MACROD2: variants seen among roughly 807,000 people sequenced by gnomAD.
MACROD2 encodes the protein ADP-ribose glycohydrolase MACROD2.
A neutral mutation model predicts 70.4 loss-of-function variants in MACROD2; 36 were observed. That is an observed-to-expected ratio of 0.51 (90% CI 0.39 to 0.68). The LOEUF (loss-of-function observed/expected upper bound fraction) is 0.68. MACROD2 is among the 30% of genes least tolerant of loss of function. MACROD2 has a pLI of 0.00. For missense variants in MACROD2, 496 were observed against 538.4 expected, an observed-to-expected ratio of 0.92 and a Z score of 0.78; for synonymous variants, 172 against 178.8, an observed-to-expected ratio of 0.96 and a Z score of 0.30.
chr20:15,317,486 T>TA (rs1555804027), intron 6 of MACROD2, among the ~76,000 whole-genome samples: 1 of 115,966 alleles, frequency 8.6e-6, no homozygotes, highest in South Asian at 3.0e-4. Flanking sequence ...CCATCTAATC[T>TA]ATCTATCTAT....
chr20:15,912,671 T>C (rs1295154862), intron 10 of MACROD2, among the ~76,000 whole-genome samples: 1 of 152,208 alleles, frequency 6.6e-6, no homozygotes, highest in African/African-American at 2.4e-5. Flanking sequence ...AAACATCACA[T>C]TTCTCATTTA....
chr20:15,696,894 G>A lies in MACROD2; in HGVS notation c.646-165851G>A, dbSNP rs76512738. On this transcript the variant is annotated intron_variant, in intron 8 of 17. Transcript: ENST00000684519. ...TTTTTTTATTTCAGTGGTGTAGGTT[G>A]TAATATCTCTTGTTTCATTTGTTGG... is the stretch of plus-strand genomic sequence containing the variant. Among the ~76,000 whole-genome samples the A allele has an allele frequency of 8.6e-5, 13 of 151,092 alleles. No homozygotes were observed. The South Asian group carries it at 2.5e-3, about 29-fold the overall frequency.
In MACROD2 at chr20:15,677,360, C is replaced by T. The variant is rs118021092; in HGVS notation, c.645+177513C>T. Among the ~76,000 whole-genome samples, 1,431 of 152,066 alleles carry T rather than the reference C, an allele frequency of 9.4e-3. 11 individuals carry two copies. The highest frequency in any genetic ancestry group is 0.017 in the Middle Eastern group (5 of 294). ...CAGAAATGAATCAACGATAGAAACTCGGGCATGCGGTGGTGGGGGGAAGTG... is the reference window on the plus strand; with the variant it reads ...CAGAAATGAATCAACGATAGAAACTTGGGCATGCGGTGGTGGGGGGAAGTG... On this transcript the variant is annotated intron_variant, in intron 8 of 17. Coordinates refer to ENST00000684519, the MANE Select transcript of MACROD2 (RefSeq NM_001351661.2).
chr20:15,872,010 T>C (rs2064592122), intron 9 of MACROD2, among the ~76,000 whole-genome samples: 1 of 152,176 alleles, frequency 6.6e-6, no homozygotes, highest in South Asian at 2.1e-4. Context: ...AGTCAGTAAA[T>C]TGACCAAAGT....
At position 15,425,380 on chromosome 20, in the gene MACROD2, G is replaced by A. The variant is rs530778736; in HGVS notation, c.541-6025G>A. Among the ~76,000 whole-genome samples, 11 of 152,300 alleles carry A rather than the reference G, an allele frequency of 7.2e-5. No individual in the cohort carries two copies. In the South Asian group the frequency reaches 1.4e-3, roughly 20 times the overall value. Reference sequence around the variant, plus strand: ...GAAAGCATGTGTTATATTTTAACTGGTGGAGCTTTCTCTTCTTAGTGGTCC... The same window carrying A: ...GAAAGCATGTGTTATATTTTAACTGATGGAGCTTTCTCTTCTTAGTGGTCC... On this transcript the variant is annotated intron_variant, in intron 6 of 17. Coordinates refer to ENST00000684519, the MANE Select transcript of MACROD2 (RefSeq NM_001351661.2).
chr20:14,172,985 C>A (rs896182147), intron 3 of MACROD2, among the ~76,000 whole-genome samples: 1 of 152,172 alleles, frequency 6.6e-6, no homozygotes, highest in Non-Finnish European at 1.5e-5. Flanking sequence ...TCACTTCTAG[C>A]TTGTAGGGTT....
intron 12 of MACROD2, among the ~76,000 whole-genome samples, chr20:15,953,956 A>G (rs558354096): frequency 3.7e-4 from 57 of 152,276 alleles, no homozygotes; most frequent in African/African-American, 1.3e-3. Flanking sequence ...CTTGTGGCAG[A>G]AAACTAATTA....
At chr20:15,427,067 C>T (rs1422887207) in intron 6 of MACROD2, among the ~76,000 whole-genome samples, 1 of 152,104 alleles carries the variant, frequency 6.6e-6, no homozygotes, top group Non-Finnish European at 1.5e-5. Context: ...ATGGAGTAGG[C>T]TTAGTTTAGA....
chr20:14,190,869 G>A (rs1209152662), intron 3 of MACROD2, among the ~76,000 whole-genome samples: 1 of 150,820 alleles, frequency 6.6e-6, no homozygotes, highest in African/African-American at 2.4e-5. Context: ...CACTACGCCG[G>A]GCTAATATTT....
At chr20:14,728,205 G>T (rs2071552484) in intron 5 of MACROD2, among the ~76,000 whole-genome samples, 1 of 152,004 alleles carries the variant, frequency 6.6e-6, no homozygotes, top group African/African-American at 2.4e-5. Flanking sequence ...GTTACTTATG[G>T]CACATCCCTG....
At position 14,313,512 on chromosome 20, in the gene MACROD2, G is replaced by T. The variant is rs531866639; in HGVS notation, c.272-179967G>T. On this transcript the variant is annotated intron_variant, in intron 3 of 17. Transcript: ENST00000684519. ...GCATCTATGGTTACCTCTTTGTCTG[G>T]GACTTCTAAGGAAAAGCGAAGAATT... Among the ~76,000 whole-genome samples, 9 of 151,452 alleles carry T rather than the reference G, an allele frequency of 5.9e-5. No homozygotes were observed. The East Asian group carries it at 1.7e-3, about 29-fold the overall frequency.
At chr20:15,085,495 G>A (rs2075740167) in intron 5 of MACROD2, among the ~76,000 whole-genome samples, 1 of 152,098 alleles carries the variant, frequency 6.6e-6, no homozygotes, top group African/African-American at 2.4e-5. Flanking sequence ...TGATATGTAT[G>A]ATAAGGGTCT....
intron 6 of MACROD2, among the ~76,000 whole-genome samples, chr20:15,350,353 T>G (rs1260719331): frequency 2.0e-5 from 3 of 152,216 alleles, no homozygotes; most frequent in Non-Finnish European, 4.4e-5. Context: ...TGTTTTTATT[T>G]GACTTTCAAT....
chr20:14,866,629 G>A (rs1358475325), intron 5 of MACROD2, among the ~76,000 whole-genome samples: 4 of 151,914 alleles, frequency 2.6e-5, no homozygotes, highest in African/African-American at 9.7e-5. Context: ...TGCTGCAGAG[G>A]TATCTTTCAG....
intron 3 of MACROD2, among the ~76,000 whole-genome samples, chr20:14,256,998 T>G (rs528025164): frequency 1.3e-5 from 2 of 152,296 alleles, no homozygotes; most frequent in South Asian, 4.1e-4. Flanking sequence ...AAAGATCTGG[T>G]TTGGTTCTAT....
At chr20:15,967,679 C>CATA in intron 13 of MACROD2, 49 bp downstream of exon 13, 11 of 277,858 alleles carry the variant, frequency 4.0e-5, no homozygotes, top group Non-Finnish European at 5.9e-5. Context: ...TGCTGGGAAA[C>CATA]AGAAAAAAAA....
At chr20:15,196,827 G>A (rs1479712932) in intron 5 of MACROD2, 1 of 983,474 alleles carries the variant, frequency 1.0e-6, no homozygotes, top group East Asian at 1.1e-4. Flanking sequence ...CTGCCTTGAA[G>A]TGCCTGAGTC....
chr20:14,210,017 A>G (rs778726021), intron 3 of MACROD2, among the ~76,000 whole-genome samples: 16 of 152,228 alleles, frequency 1.1e-4, no homozygotes, highest in Admixed American at 2.6e-4. Flanking sequence ...CTTTCTTCAC[A>G]GTTTCTGTAA....
chr20:15,211,730 C>A (rs1461312136), intron 5 of MACROD2, among the ~76,000 whole-genome samples: 1 of 152,114 alleles, frequency 6.6e-6, no homozygotes, highest in African/African-American at 2.4e-5. Flanking sequence ...GTACAGCCTG[C>A]AGAACTGGGA....
Sources: allele counts gnomAD v4.1 joint callset (sites outside exome capture counted in the v4.1 genomes callset), GRCh38; gene constraint gnomAD v4.1.1; transcripts MANE v1.5; gene names NCBI Gene and HGNC (gene_info 2026-07-23, HGNC 2026-07-21).